PARD3B: variants seen among roughly 807,000 people sequenced by gnomAD.
The protein encoded by PARD3B is par-3 family cell polarity regulator beta.
Under a neutral mutation model 130.2 loss-of-function variants are expected in PARD3B, and 103 were observed. That is an observed-to-expected ratio of 0.79 (90% confidence interval 0.67 to 0.93). PARD3B has a LOEUF of 0.93. Among genes scored for constraint, PARD3B ranks in the 40% least tolerant of loss-of-function variants. The pLI is 0.00. For missense variants in PARD3B, 1,609 were observed against 1,499.2 expected (o/e 1.07, Z -1.21); for synonymous variants, 583 against 553.2 (o/e 1.05, Z -0.76).
chr2:205,534,418 A>C (rs1428198253), intron 21 of PARD3B, among the ~76,000 whole-genome samples: 1 of 151,516 alleles, frequency 6.6e-6, no homozygotes, highest in Non-Finnish European at 1.5e-5. Flanking sequence ...GAATGGACGG[A>C]GGCCAGAGAG....
chr2:204,713,776 A>C (rs76023052), intron 2 of PARD3B, among the ~76,000 whole-genome samples: 20 of 151,986 alleles, frequency 1.3e-4, no homozygotes, highest in Admixed American at 2.0e-4. Flanking sequence ...TCCTCTCTCT[A>C]TATATACACA....
chr2:204,950,650 A>G (rs1235402994), intron 2 of PARD3B, among the ~76,000 whole-genome samples: 1 of 152,288 alleles, frequency 6.6e-6, no homozygotes, highest in South Asian at 2.1e-4. Context: ...CTTGTTTTTC[A>G]GTTCTTTCGT....
At position 204,675,294 on chromosome 2, in the gene PARD3B, A is replaced by G. The variant is rs1447154421; in HGVS notation, c.121-10887A>G. Reference sequence around the variant, plus strand: ...TGGATTAAATCCATTTAATCTGCTTAAGTATATTTGCATCAATTATGCATT... The same window carrying G: ...TGGATTAAATCCATTTAATCTGCTTGAGTATATTTGCATCAATTATGCATT... On this transcript the variant is annotated intron_variant, in intron 1 of 22. Coordinates refer to ENST00000406610, the MANE Select transcript of PARD3B (RefSeq NM_001302769.2). The surrounding 1 kb of genome is among the most constrained non-coding windows in gnomAD (Gnocchi z 4.4). Among the ~76,000 whole-genome samples, 1 of 152,154 alleles carries G rather than the reference A, an allele frequency of 6.6e-6. No homozygotes were observed. The highest frequency in any genetic ancestry group is 2.4e-5 in the African/African-American group (1 of 41,454).
chr2:205,425,366 T>C (rs2047108427), intron 19 of PARD3B, among the ~76,000 whole-genome samples: 1 of 152,118 alleles, frequency 6.6e-6, no homozygotes, highest in Non-Finnish European at 1.5e-5. Flanking sequence ...GGGAAAGGTA[T>C]AAATTTAGGG....
At chr2:204,581,264 A>T (rs1189203909) in intron 1 of PARD3B, among the ~76,000 whole-genome samples, 1 of 152,214 alleles carries the variant, frequency 6.6e-6, no homozygotes, top group Non-Finnish European at 1.5e-5. Flanking sequence ...GTTCTCTCTG[A>T]GGTCATCTAA....
At chr2:205,545,865 C>T (rs1218671245) in intron 21 of PARD3B, among the ~76,000 whole-genome samples, 1 of 152,142 alleles carries the variant, frequency 6.6e-6, no homozygotes, top group African/African-American at 2.4e-5. Flanking sequence ...TGCCATTAAT[C>T]TACAAATGGG....
chr2:205,173,887 G>A (rs2035314640), intron 12 of PARD3B, among the ~76,000 whole-genome samples: 1 of 152,146 alleles, frequency 6.6e-6, no homozygotes, highest in Non-Finnish European at 1.5e-5. Flanking sequence ...CCGTTTATTG[G>A]AGAGAGTTGA....
chr2:205,468,967 C>CTTT (rs76646191), intron 20 of PARD3B, among the ~76,000 whole-genome samples: 1 of 145,734 alleles, frequency 6.9e-6, no homozygotes, highest in Admixed American at 6.9e-5. Context: ...TCCCCTCTAT[C>CTTT]TTTTTTTTTT....
At chr2:205,353,201 T>G (rs2044056516) in intron 18 of PARD3B, among the ~76,000 whole-genome samples, 1 of 152,166 alleles carries the variant, frequency 6.6e-6, no homozygotes. Context: ...CAGGAAACAG[T>G]GCAAATATGC....
At chr2:205,033,938 G>A (rs1056613251) in intron 3 of PARD3B, among the ~76,000 whole-genome samples, 9 of 152,120 alleles carry the variant, frequency 5.9e-5, no homozygotes, top group Admixed American at 2.0e-4. Context: ...GTTTAGCATC[G>A]TTGTTGGTGT....
chr2:204,990,373 ACATATCATGTTTCT>A (rs1467534439), intron 3 of PARD3B, among the ~76,000 whole-genome samples: 2 of 152,198 alleles, frequency 1.3e-5, no homozygotes, highest in Non-Finnish European at 1.5e-5. Context: ...ATCACCTCAA[ACATATCATGTTTCT>A]TTGTGTTGGG....
chr2:204,978,749 G>A (rs576798513), intron 3 of PARD3B, among the ~76,000 whole-genome samples: 3 of 152,064 alleles, frequency 2.0e-5, no homozygotes, highest in African/African-American at 4.8e-5. Flanking sequence ...ATCACCTGAG[G>A]TCAGGAGTTT....
chr2:204,989,537 G>A (rs1368742921), intron 3 of PARD3B, among the ~76,000 whole-genome samples: 1 of 152,130 alleles, frequency 6.6e-6, no homozygotes, highest in East Asian at 1.9e-4. Flanking sequence ...GAGAAACTGG[G>A]CTGTCATTAT....
At chr2:205,004,081 T>G (rs1215707202) in intron 3 of PARD3B, among the ~76,000 whole-genome samples, 2 of 152,188 alleles carry the variant, frequency 1.3e-5, no homozygotes, top group East Asian at 1.9e-4. Flanking sequence ...ATCAGTGTAA[T>G]TCAGGATCCA....
intron 2 of PARD3B, among the ~76,000 whole-genome samples, chr2:204,746,436 A>G (rs2040232087): frequency 6.6e-6 from 1 of 152,008 alleles, no homozygotes. Context: ...GTGCCGCAAT[A>G]AACATACGTG....
intron 2 of PARD3B, among the ~76,000 whole-genome samples, chr2:204,941,370 T>A (rs140611633): frequency 6.6e-6 from 1 of 152,200 alleles, no homozygotes; most frequent in African/African-American, 2.4e-5. Context: ...CGAGACTCTG[T>A]CTAAAGAAGA....
rs1487768288 is a variant in PARD3B at position 205,575,165 on chromosome 2, T to C, written c.3260+21762T>C. Reference sequence around the variant, plus strand: ...TTTCATGTAAGGTATATATATATTATACACACACATATATATCATATATAT... The same window carrying C: ...TTTCATGTAAGGTATATATATATTACACACACACATATATATCATATATAT... On this transcript the variant is annotated intron_variant, in intron 22 of 22. Coordinates refer to ENST00000406610, the MANE Select transcript of PARD3B (RefSeq NM_001302769.2). This position sits in a 1 kb window ranked among gnomAD's most constrained non-coding sequence, Gnocchi z 4.6. 1.3e-5 allele frequency among the ~76,000 whole-genome samples: 2 copies of C among 151,834 alleles called. No individual in the cohort carries two copies. The highest frequency in any genetic ancestry group is 2.4e-5 in the African/African-American group (1 of 41,332).
chr2:205,062,297 A>T (rs1440107741), intron 4 of PARD3B, among the ~76,000 whole-genome samples: 1 of 152,086 alleles, frequency 6.6e-6, no homozygotes, highest in Non-Finnish European at 1.5e-5. Flanking sequence ...ATTAGTGTTT[A>T]ATATAGGACC....
intron 1 of PARD3B, among the ~76,000 whole-genome samples, chr2:204,552,600 A>G (rs976350680): frequency 3.9e-5 from 6 of 152,162 alleles, no homozygotes; most frequent in Non-Finnish European, 8.8e-5. Flanking sequence ...GGGTTTTTCC[A>G]ATGTTATCTT....
Sources: gnomAD v4.1 joint callset for allele counts (sites outside exome capture counted in the v4.1 genomes callset) on GRCh38, gnomAD v4.1.1 for gene constraint, Gnocchi (gnomAD v3.1) non-coding constraint, MANE v1.5 for transcripts, NCBI Gene and HGNC (gene_info 2026-07-23, HGNC 2026-07-21) for gene names.